UBE3D: variants seen among roughly 807,000 people sequenced by gnomAD.
UBE3D encodes E3 ubiquitin-protein ligase E3D.
A neutral mutation model predicts 49.6 loss-of-function variants in UBE3D; 48 were observed. That is an observed-to-expected ratio of 0.97 (90% CI 0.77 to 1.23). The LOEUF is 1.23. UBE3D is among the 50% of genes most tolerant of loss of function. UBE3D has a pLI of 0.00. For missense variants in UBE3D, 452 were observed against 468.4 expected, an observed-to-expected ratio of 0.96 and a Z score of 0.32; for synonymous variants, 189 against 174.2, an observed-to-expected ratio of 1.08 and a Z score of -0.67.
chr6:82,971,829 A>T (rs1777371494), intron 8 of UBE3D, among the ~76,000 whole-genome samples: 1 of 152,160 alleles, frequency 6.6e-6, no homozygotes. Context: ...TAATATTGAT[A>T]TTACTGGTAT....
intron 9 of UBE3D, among the ~76,000 whole-genome samples, chr6:82,915,117 G>T (rs898328004): frequency 6.6e-6 from 1 of 152,036 alleles, no homozygotes; most frequent in Non-Finnish European, 1.5e-5. Context: ...AAGTTTTATA[G>T]AATGTTCTAT....
chr6:82,967,380 C>A (rs900884529), intron 8 of UBE3D, among the ~76,000 whole-genome samples: 2 of 151,994 alleles, frequency 1.3e-5, no homozygotes, highest in Non-Finnish European at 2.9e-5. Context: ...CTCGTGTGAC[C>A]ACATTAACAC....
chr6:83,021,203 G>A (rs759925489), intron 7 of UBE3D, among the ~76,000 whole-genome samples: 1 of 152,118 alleles, frequency 6.6e-6, no homozygotes, highest in African/African-American at 2.4e-5. Flanking sequence ...CAGTTTGGGA[G>A]GCCAAAGTGG....
chr6:82,914,873 C>T (rs1332929186), intron 9 of UBE3D, among the ~76,000 whole-genome samples: 1 of 151,984 alleles, frequency 6.6e-6, no homozygotes, highest in Non-Finnish European at 1.5e-5. Context: ...TGAAAAAGAA[C>T]CTATGTCCAT....
chr6:83,064,294 G>A (rs1784361521), intron 1 of UBE3D, among the ~76,000 whole-genome samples: 1 of 152,086 alleles, frequency 6.6e-6, no homozygotes, highest in African/African-American at 2.4e-5. Flanking sequence ...CGCGATCTCA[G>A]CTCACTGCAA....
chr6:83,023,183 A>C (rs908364573), intron 6 of UBE3D, among the ~76,000 whole-genome samples: 1 of 152,218 alleles, frequency 6.6e-6, no homozygotes, highest in Non-Finnish European at 1.5e-5. Context: ...AAAACATAGG[A>C]GTCATTTGAA....
At chr6:82,955,099 C>A (rs1210951943) in intron 9 of UBE3D, among the ~76,000 whole-genome samples, 4 of 152,160 alleles carry the variant, frequency 2.6e-5, no homozygotes, top group Admixed American at 2.6e-4. Context: ...GGTGCTAAGA[C>A]CACACTAATG....
chr6:82,914,048 A>T (rs1772727022), intron 9 of UBE3D, among the ~76,000 whole-genome samples: 1 of 152,254 alleles, frequency 6.6e-6, no homozygotes, highest in South Asian at 2.1e-4. Flanking sequence ...AAAATGTCTT[A>T]CATGACTTGC....
At chr6:82,972,032 A>C (rs1777389648) in intron 8 of UBE3D, among the ~76,000 whole-genome samples, 1 of 152,158 alleles carries the variant, frequency 6.6e-6, no homozygotes, top group South Asian at 2.1e-4. Context: ...TGGTGAAACC[A>C]CATCTGGTTT....
At chr6:83,054,376 C>G (rs1282569865) in intron 2 of UBE3D, 138 bp from the exon 3 acceptor site, 5 of 635,542 alleles carry the variant, frequency 7.9e-6, no homozygotes, top group Non-Finnish European at 1.4e-5. Flanking sequence ...TTAATTAATA[C>G]TATCTGATGA....
intron 8 of UBE3D, among the ~76,000 whole-genome samples, chr6:82,989,441 G>A (rs752990782): frequency 9.1e-4 from 138 of 151,980 alleles, no homozygotes; most frequent in Non-Finnish European, 1.3e-3. Flanking sequence ...TGCAACAAGA[G>A]TGCCAAACTC....
intron 8 of UBE3D, among the ~76,000 whole-genome samples, chr6:82,963,887 T>G (rs1562128264): frequency 6.6e-6 from 1 of 152,214 alleles, no homozygotes; most frequent in African/African-American, 2.4e-5. Context: ...ATCTGGAACA[T>G]TTCTGGTATT....
chr6:82,890,944 C>A (rs75751804), downstream of UBE3D, among the ~76,000 whole-genome samples: 1,313 of 152,240 alleles, frequency 8.6e-3, 15 homozygotes, highest in Non-Finnish European at 0.015. Context: ...TATGCACAGG[C>A]TGAACTCTGC....
intron 9 of UBE3D, among the ~76,000 whole-genome samples, 189 bp from the exon 10 acceptor site, chr6:82,893,231 A>G (rs538006155): frequency 6.6e-6 from 1 of 152,260 alleles, no homozygotes; most frequent in South Asian, 2.1e-4. Context: ...TTTTTAATGA[A>G]CCATATAGTA....
At chr6:83,059,161 G>C (rs1296278753) in intron 1 of UBE3D, among the ~76,000 whole-genome samples, 1 of 152,044 alleles carries the variant, frequency 6.6e-6, no homozygotes, top group East Asian at 1.9e-4. Context: ...GTGGGAGGAT[G>C]GTTTGAGCCA....
intron 3 of UBE3D, 44 bp downstream of exon 3, chr6:83,054,104 C>G: frequency 6.7e-7 from 1 of 1,491,178 alleles, no homozygotes; most frequent in Non-Finnish European, 9.4e-7. Flanking sequence ...AAGAGATAAC[C>G]ATTGCCAGGC....
Position 82,898,487 on chromosome 6 carries a change from A to ACTAT in UBE3D, c.1150-5449_1150-5446dup, listed in dbSNP as rs556104874. ...ATGTGGCACATATACACCACGGAATACTATGCAGCCATAAAAAGGGTGAGT... is the reference window on the plus strand; with the variant it reads ...ATGTGGCACATATACACCACGGAATACTATCTATGCAGCCATAAAAAGGGTGAGT... On this transcript the variant is annotated intron_variant, in intron 9 of 9. Coordinates refer to ENST00000369747, the MANE Select transcript of UBE3D (RefSeq NM_198920.3). 2.7e-3 allele frequency among the ~76,000 whole-genome samples: 414 copies of ACTAT among 152,334 alleles called. 2 individuals are homozygous for ACTAT. Among genetic ancestry groups the ACTAT allele is most frequent in the African/African-American group, 9.0e-3 (376 of 41,570 alleles).
chr6:82,919,481 G>T (rs111339885), intron 9 of UBE3D, among the ~76,000 whole-genome samples: 12 of 152,072 alleles, frequency 7.9e-5, no homozygotes, highest in African/African-American at 2.9e-4. Context: ...GCAGGCGCCT[G>T]TAGTCCCAGG....
chr6:82,887,395 T>TTTTGTTTTTTTTTTTG (rs1562053882), downstream of UBE3D, among the ~76,000 whole-genome samples: 1 of 70,436 alleles, frequency 1.4e-5, no homozygotes, highest in African/African-American at 9.7e-5. Context: ...AACAGTTTTT[T>TTTTGTTTTTTTTTTTG]TTTTTTTTTT....
Sources: allele counts gnomAD v4.1 joint callset (sites outside exome capture counted in the v4.1 genomes callset), GRCh38; gene constraint gnomAD v4.1.1; transcripts MANE v1.5; gene names NCBI Gene and HGNC (gene_info 2026-07-23, HGNC 2026-07-21).